The following ZC3HAV1L variants were observed in gnomAD, a reference collection of about 807,000 sequenced individuals.
ZC3HAV1L encodes ZC3HAV1 like.
ZC3HAV1L carries 23 observed loss-of-function variants against 28.2 expected under a neutral mutation model. The ratio of observed to expected loss-of-function variants is 0.82; its 90% confidence interval spans 0.59 to 1.16. The LOEUF (loss-of-function observed/expected upper bound fraction) is 1.16. Ranked by LOEUF, ZC3HAV1L falls within the 50% of genes most tolerant of loss-of-function variation. The probability of loss-of-function intolerance (pLI) is 0.00; values close to 1 mark genes in which losing one functional copy is unlikely to be tolerated. For missense variants in ZC3HAV1L, 376 were observed against 387.7 expected, an observed-to-expected ratio of 0.97 and a Z score of 0.25; for synonymous variants, 180 against 163.4, an observed-to-expected ratio of 1.10 and a Z score of -0.78.
At chr7:139,035,299 C>G (rs900157337) in intron 1 of ZC3HAV1L, 28 of 985,288 alleles carry the variant, frequency 2.8e-5, no homozygotes, top group African/African-American at 3.5e-5. Context: ...GATCCTCAGA[C>G]GCCCCACGCC....
intron 2 of ZC3HAV1L, 29 bp downstream of exon 2, chr7:139,034,514 G>C: frequency 6.2e-7 from 1 of 1,608,460 alleles, no homozygotes; most frequent in Non-Finnish European, 8.5e-7. Context: ...TAGCAAATGT[G>C]ACATGAGGGT....
At chr7:139,023,812 T>C (rs1815293950), downstream of ZC3HAV1L, among the ~76,000 whole-genome samples, 2 of 152,148 alleles carry the variant, frequency 1.3e-5, no homozygotes, top group Admixed American at 6.5e-5. Context: ...GTAGGATATA[T>C]GCAGGAAGAT....
chr7:139,026,469 T>C lies in ZC3HAV1L; in HGVS notation c.*75A>G. On this transcript the variant is annotated 3_prime_UTR_variant, in exon 5 of 5. Coordinates refer to ENST00000275766, the MANE Select transcript of ZC3HAV1L (RefSeq NM_080660.4). Reference sequence around the variant, plus strand: ...TTTTAGCCTCTCTTTGCCTGTTCAATGTCCCACCCCATCCCCAACCACCCA... The same window carrying C: ...TTTTAGCCTCTCTTTGCCTGTTCAACGTCCCACCCCATCCCCAACCACCCA... 4 of 1,592,768 alleles carry C rather than the reference T, an allele frequency of 2.5e-6. No homozygotes were observed. Among genetic ancestry groups the C allele is most frequent in the Admixed American group, 1.7e-5 (1 of 58,354 alleles).
In ZC3HAV1L at chr7:139,029,842, C is replaced by A. The variant is rs541633381; in HGVS notation, c.502-882G>T. On this transcript the variant is annotated intron_variant, in intron 2 of 4. Coordinates refer to ENST00000275766, the MANE Select transcript of ZC3HAV1L (RefSeq NM_080660.4). Reference sequence around the variant, plus strand: ...TGATCCAGACGAGGGCATTTTTAGGCTGCAAGGGAGCACTATTAATAATCA... The same window carrying A: ...TGATCCAGACGAGGGCATTTTTAGGATGCAAGGGAGCACTATTAATAATCA... Among the ~76,000 whole-genome samples the A allele has an allele frequency of 4.6e-5, 7 of 152,268 alleles. No homozygotes were observed. The South Asian group carries it at 1.5e-3, about 32-fold the overall frequency.
chr7:139,034,365 C>G (rs554957144), intron 2 of ZC3HAV1L, among the ~76,000 whole-genome samples, 178 bp downstream of exon 2: 1 of 152,274 alleles, frequency 6.6e-6, no homozygotes, highest in East Asian at 1.9e-4. Context: ...TATGGCTAAA[C>G]TGAAACAAAC....
At chr7:139,022,486 C>T, downstream of ZC3HAV1L, 2 of 361,538 alleles carry the variant, frequency 5.5e-6, no homozygotes, top group East Asian at 8.6e-5. Flanking sequence ...ATCAAGGCTG[C>T]AGGGAGCTGT....
intron 2 of ZC3HAV1L, among the ~76,000 whole-genome samples, chr7:139,031,985 G>A (rs995414208): frequency 3.3e-5 from 5 of 152,094 alleles, no homozygotes; most frequent in African/African-American, 9.7e-5. Flanking sequence ...TGAAGTGCGA[G>A]GATTGCTTGA....
chr7:139,025,447 T>TG (rs1815327677), downstream of ZC3HAV1L, among the ~76,000 whole-genome samples: 1 of 93,118 alleles, frequency 1.1e-5, no homozygotes, highest in African/African-American at 4.7e-5. Flanking sequence ...AAACTCTGTC[T>TG]CCAAAAAAAA....
downstream of ZC3HAV1L, among the ~76,000 whole-genome samples, chr7:139,021,810 A>G (rs1434048538): frequency 6.6e-6 from 1 of 151,862 alleles, no homozygotes; most frequent in Non-Finnish European, 1.5e-5. Flanking sequence ...TGTAATGAAA[A>G]AATATCAAAA....
intron 3 of ZC3HAV1L, 25 bp downstream of exon 3, chr7:139,028,677 C>G (rs950313011): frequency 6.2e-7 from 1 of 1,607,404 alleles, no homozygotes; most frequent in African/African-American, 1.3e-5. Flanking sequence ...GCTGATACTT[C>G]TCTGTCCTTC....
At chr7:139,034,078 C>G (rs1815619463) in intron 2 of ZC3HAV1L, 1 of 985,464 alleles carries the variant, frequency 1.0e-6, no homozygotes, top group African/African-American at 1.7e-5. Context: ...GCCTCTGCCA[C>G]CTGCACCAAA....
downstream of ZC3HAV1L, among the ~76,000 whole-genome samples, chr7:139,024,461 C>T (rs921386817): frequency 6.6e-6 from 1 of 151,814 alleles, no homozygotes; most frequent in East Asian, 1.9e-4. Context: ...TAGCTTACTA[C>T]AAAAATATAC....
At position 139,026,450 on chromosome 7, in the gene ZC3HAV1L, C is replaced by G. The variant is rs115752120; in HGVS notation, c.*94G>C. The G allele has an allele frequency of 6.4e-4, 1,001 of 1,559,928 alleles. 9 individuals carry two copies. The African/African-American group carries it at 0.012, about 19-fold the overall frequency. ...TAGCCCCATCTGCACTCAATTTTAG[C>G]CTCTCTTTGCCTGTTCAATGTCCCA... On this transcript the variant is annotated 3_prime_UTR_variant, in exon 5 of 5. Transcript: ENST00000275766.
At chr7:139,029,008 T>G (rs925836744) in intron 2 of ZC3HAV1L, 48 bp from the exon 3 acceptor site, 2 of 1,568,490 alleles carry the variant, frequency 1.3e-6, no homozygotes, top group Non-Finnish European at 1.7e-6. Flanking sequence ...TTTCTTTTTT[T>G]TTTGGCAGCG....
At chr7:139,025,008 G>A (rs1263711550), downstream of ZC3HAV1L, among the ~76,000 whole-genome samples, 1 of 152,176 alleles carries the variant, frequency 6.6e-6, no homozygotes, top group Non-Finnish European at 1.5e-5. Context: ...AAGGGAGAAG[G>A]GAGAAAGGGG....
chr7:139,026,441 CAAT>C lies in ZC3HAV1L; in HGVS notation c.*100_*102del, dbSNP rs1400454685. The C allele has an allele frequency of 6.5e-7, 1 of 1,543,046 alleles. No individual in the cohort carries two copies. Among genetic ancestry groups the C allele is most frequent in the Non-Finnish European group, 8.7e-7 (1 of 1,148,834 alleles). On this transcript the variant is annotated 3_prime_UTR_variant, in exon 5 of 5. Transcript: ENST00000275766. ...GCCCTGGACTAGCCCCATCTGCACT[CAAT>C]TTTAGCCTCTCTTTGCCTGTTCAAT...
At chr7:139,030,092 A>G (rs976712348) in intron 2 of ZC3HAV1L, among the ~76,000 whole-genome samples, 3 of 152,204 alleles carry the variant, frequency 2.0e-5, no homozygotes, top group African/African-American at 7.2e-5. Context: ...CCTCAGTCCC[A>G]GGCAAATGGG....
chr7:139,035,963 C>T lies in ZC3HAV1L; in HGVS notation c.55G>A (p.Gly19Ser). The change falls in exon 1 of 5, where the codon GGC becomes AGC. Residue 19 changes from glycine (G) to serine (S), a missense_variant. Coordinates refer to ENST00000275766, the MANE Select transcript of ZC3HAV1L (RefSeq NM_080660.4). ...FLTKVLCAHG[G>S]RMFLKDLRGH... Reference sequence around the variant, plus strand: ...CGCAGGTCCTTCAGGAACATGCGGCCGCCGTGGGCGCACAGCACCTTGGTG... The same window carrying T: ...CGCAGGTCCTTCAGGAACATGCGGCTGCCGTGGGCGCACAGCACCTTGGTG... 6.6e-7 allele frequency: 1 copy of T among 1,520,842 alleles called. No individual in the cohort carries two copies. The highest frequency in any genetic ancestry group is 8.8e-7 in the Non-Finnish European group (1 of 1,142,340). The allele number at this position is 1,520,842 out of a possible 1,614,324, so 94.2% of individuals were successfully genotyped here.
rs1226052658 is a variant in ZC3HAV1L at position 139,031,197 on chromosome 7, T to C, written c.502-2237A>G. On this transcript the variant is annotated intron_variant, in intron 2 of 4. Coordinates refer to ENST00000275766, the MANE Select transcript of ZC3HAV1L (RefSeq NM_080660.4). ...GCACAGTGGCTCATGGCTGTACTCCTAGCACTTTGGGAGACCAAGGATGGC... is the reference window on the plus strand; with the variant it reads ...GCACAGTGGCTCATGGCTGTACTCCCAGCACTTTGGGAGACCAAGGATGGC... Among the ~76,000 whole-genome samples the C allele has an allele frequency of 2.6e-5, 4 of 152,294 alleles. No homozygotes were observed. In the East Asian group the frequency reaches 5.8e-4, roughly 22 times the overall value.
Sources: gnomAD v4.1 joint callset for allele counts (sites outside exome capture counted in the v4.1 genomes callset) on GRCh38, gnomAD v4.1.1 for gene constraint, MANE v1.5 for transcripts, NCBI Gene and HGNC (gene_info 2026-07-23, HGNC 2026-07-21) for gene names.